The following LRP1B variants were observed in gnomAD, a reference collection of about 807,000 sequenced individuals.
LRP1B encodes LDL receptor related protein 1B.
LRP1B carries 217 observed loss-of-function variants against 556.6 expected under a neutral mutation model. That is an observed-to-expected ratio of 0.39 (90% CI 0.35 to 0.44). The LOEUF (loss-of-function observed/expected upper bound fraction) is 0.44. Among genes scored for constraint, LRP1B ranks in the 20% least tolerant of loss-of-function variants. The pLI is 1.00. For synonymous variants in LRP1B, 2,047 were observed against 1,865.8 expected (o/e 1.10, Z -2.50); for missense variants, 5,053 against 5,620.8 (o/e 0.90, Z 3.23).
intron 43 of LRP1B, among the ~76,000 whole-genome samples, chr2:140,594,063 C>T (rs1343998771): frequency 6.6e-6 from 1 of 151,978 alleles, no homozygotes; most frequent in Non-Finnish European, 1.5e-5. Context: ...CTGCAACCTC[C>T]ACCTCCTGGG....
intron 41 of LRP1B, among the ~76,000 whole-genome samples, chr2:140,655,032 G>GTGTATATATATATATATATATATATA (rs767709816): frequency 6.8e-5 from 10 of 147,090 alleles, no homozygotes; most frequent in African/African-American, 2.0e-4. Context: ...GTATATGTAT[G>GTGTATATATATATATATATATATATA]TATATATATA....
At chr2:142,002,659 A>T (rs1034585519) in intron 1 of LRP1B, among the ~76,000 whole-genome samples, 1 of 151,924 alleles carries the variant, frequency 6.6e-6, no homozygotes, top group Non-Finnish European at 1.5e-5. Flanking sequence ...AACCTCCCTA[A>T]ACTACCTGAG....
At chr2:140,559,815 ATT>A in intron 43 of LRP1B, among the ~76,000 whole-genome samples, 1 of 151,938 alleles carries the variant, frequency 6.6e-6, no homozygotes, top group Admixed American at 6.6e-5. Flanking sequence ...CTTAGAGGAG[ATT>A]TCTGGTTAAT....
chr2:142,013,402 C>T (rs1485212687), intron 1 of LRP1B, among the ~76,000 whole-genome samples: 1 of 152,012 alleles, frequency 6.6e-6, no homozygotes, highest in Non-Finnish European at 1.5e-5. Context: ...TTCTTTACTG[C>T]TGACAGATGA....
At chr2:141,799,143 C>G (rs532427103) in intron 2 of LRP1B, among the ~76,000 whole-genome samples, 4 of 152,062 alleles carry the variant, frequency 2.6e-5, no homozygotes, top group Non-Finnish European at 5.9e-5. Flanking sequence ...CCCGCGCAGA[C>G]GAATACGCTA....
intron 41 of LRP1B, among the ~76,000 whole-genome samples, chr2:140,630,927 A>G (rs948902576): frequency 6.6e-6 from 1 of 152,154 alleles, no homozygotes; most frequent in Non-Finnish European, 1.5e-5. Flanking sequence ...TTGGTCACAG[A>G]ATTCTAGGAT....
chr2:141,438,379 G>A (rs1680841643), intron 3 of LRP1B, among the ~76,000 whole-genome samples: 1 of 152,194 alleles, frequency 6.6e-6, no homozygotes, highest in Non-Finnish European at 1.5e-5. Flanking sequence ...GTAATGTAAT[G>A]AATACCTGGA....
chr2:140,780,369 G>C (rs1004999617), intron 32 of LRP1B, among the ~76,000 whole-genome samples: 1 of 152,000 alleles, frequency 6.6e-6, no homozygotes, highest in Non-Finnish European at 1.5e-5. Context: ...CTACTGGGCT[G>C]GCTGTCTGAC....
chr2:140,253,487 C>T (rs1681545575), intron 86 of LRP1B, among the ~76,000 whole-genome samples: 1 of 151,898 alleles, frequency 6.6e-6, no homozygotes, highest in Admixed American at 6.6e-5. Context: ...AGTTTACCAA[C>T]AAATGATTCA....
At position 140,373,014 on chromosome 2, in the gene LRP1B, C is replaced by G. The variant is rs2105171145; in HGVS notation, c.10762G>C (p.Glu3588Gln). The change falls in exon 69 of 91, where the codon GAG becomes CAG. Residue 3588 changes from glutamate to glutamine, a missense_variant. By Grantham distance (29) the Glu-to-Gln change is conservative. Around this residue, in one of 5 missense-constraint regions of LRP1B, gnomAD observed 599 missense variants for 648.4 expected, o/e 0.92. Coordinates refer to ENST00000389484, the MANE Select transcript of LRP1B (RefSeq NM_018557.3). ...CKYGEDEKSCEPASPTCSSRE... is the reference protein window; with the variant it reads ...CKYGEDEKSCQPASPTCSSRE... ...ATTACTTCAATCCTTTTACCTGGCT[C>G]ACAGCTTTTCTCATCTTCCCCATAT... is the stretch of plus-strand genomic sequence containing the variant. The G allele has an allele frequency of 6.2e-7, 1 of 1,613,152 alleles. No homozygotes were observed. Among genetic ancestry groups the G allele is most frequent in the Non-Finnish European group, 8.5e-7 (1 of 1,179,520 alleles).
chr2:141,671,359 G>A (rs1454184432), intron 2 of LRP1B, among the ~76,000 whole-genome samples: 1 of 152,146 alleles, frequency 6.6e-6, no homozygotes, highest in Non-Finnish European at 1.5e-5. Flanking sequence ...TTTCCCTTAG[G>A]TGGCAGCCAG....
In LRP1B at chr2:140,885,235, T is replaced by C. The variant is rs147902386; in HGVS notation, c.3964+903A>G. ...TATATTATGTGCTTAAATATGACCA[T>C]TTTTCAAAATTGCAAAGGTGATTTA... On this transcript the variant is annotated intron_variant, in intron 24 of 90. Coordinates refer to ENST00000389484, the MANE Select transcript of LRP1B (RefSeq NM_018557.3). Among the ~76,000 whole-genome samples the C allele has an allele frequency of 9.5e-4, 145 of 152,260 alleles. No individual in the cohort carries two copies. The East Asian group carries it at 0.027, about 28-fold the overall frequency.
At position 141,830,698 on chromosome 2, in the gene LRP1B, T is replaced by A. The variant is rs1017650483; in HGVS notation, c.83-20297A>T. ...TTAGTTTAAATAAGGAAAAAAAATG[T>A]AAACTCAGTGGATTTTTATATTTAC... On this transcript the variant is annotated intron_variant, in intron 1 of 90. Coordinates refer to ENST00000389484, the MANE Select transcript of LRP1B (RefSeq NM_018557.3). 9.9e-5 allele frequency among the ~76,000 whole-genome samples: 15 copies of A among 151,964 alleles called. 1 individual carries two copies. The highest frequency in any genetic ancestry group is 7.2e-4 in the Admixed American group (11 of 15,258).
In LRP1B at chr2:140,373,036, A is replaced by G; in HGVS notation, c.10740T>C (p.Tyr3580=). 5 of 1,613,458 alleles carry G rather than the reference A, an allele frequency of 3.1e-6. No individual in the cohort carries two copies. Among genetic ancestry groups the G allele is most frequent in the South Asian group, 1.1e-5 (1 of 91,070 alleles). The change falls in exon 69 of 91, where the codon TAT becomes TAC. Residue 3580 remains tyrosine, a synonymous_variant. Transcript: ENST00000389484. The part of the protein sequence containing the change: ...WKCDGHEDCK[Y]GEDEKSCEPA... ...GCTCACAGCTTTTCTCATCTTCCCCATATTTGCAGTCTTCATGGCCATCAC... is the reference window on the plus strand; with the variant it reads ...GCTCACAGCTTTTCTCATCTTCCCCGTATTTGCAGTCTTCATGGCCATCAC...
chr2:140,700,181 A>C, intron 41 of LRP1B, 69 bp downstream of exon 41: 2 of 1,328,410 alleles, frequency 1.5e-6, no homozygotes, highest in South Asian at 2.5e-5. Context: ...TGCAATTACC[A>C]CTATTATTTC....
chr2:141,358,769 C>T (rs578012729), intron 3 of LRP1B, among the ~76,000 whole-genome samples: 4 of 152,236 alleles, frequency 2.6e-5, no homozygotes, highest in South Asian at 4.1e-4. Flanking sequence ...TCATAATCTC[C>T]ATCATGCTTT....
Position 140,905,623 on chromosome 2 carries a change from T to C in LRP1B, c.3520+2254A>G, listed in dbSNP as rs72990134. Among the ~76,000 whole-genome samples the C allele has an allele frequency of 2.6e-3, 401 of 152,148 alleles. 1 individual carries two copies. Among genetic ancestry groups the C allele is most frequent in the African/African-American group, 9.4e-3 (389 of 41,528 alleles). On this transcript the variant is annotated intron_variant, in intron 22 of 90. Transcript: ENST00000389484. ...TCACAAAGATAAGAGAAGCCTGTTT[T>C]CCCCTCCTGTTAAGCACCAGTTATC...
intron 37 of LRP1B, among the ~76,000 whole-genome samples, chr2:140,715,177 G>T (rs1559072274): frequency 6.6e-6 from 1 of 152,004 alleles, no homozygotes; most frequent in Non-Finnish European, 1.5e-5. Context: ...GATTAAGAAG[G>T]ATCATAACAG....
At chr2:140,803,053 T>TG (rs1244138526) in intron 32 of LRP1B, among the ~76,000 whole-genome samples, 1 of 152,162 alleles carries the variant, frequency 6.6e-6, no homozygotes, top group African/African-American at 2.4e-5. Context: ...ACATGCCTCA[T>TG]GAAGTCCCCC....
Sources: gnomAD v4.1 joint callset for allele counts (sites outside exome capture counted in the v4.1 genomes callset) on GRCh38, gnomAD v4.1.1 for gene constraint, gnomAD v4.1.1 regional missense constraint, MANE v1.5 for transcripts, NCBI Gene and HGNC (gene_info 2026-07-23, HGNC 2026-07-21) for gene names.